EHMT1: variants seen among roughly 807,000 people sequenced by gnomAD.
The protein encoded by EHMT1 is histone-lysine N-methyltransferase EHMT1.
Under a neutral mutation model 147.2 loss-of-function variants are expected in EHMT1, and 15 were observed. The observed-to-expected ratio is 0.10, with a 90% CI of 0.07 to 0.16. The LOEUF (loss-of-function observed/expected upper bound fraction) is 0.16. Among genes scored for constraint, EHMT1 ranks in the 10% least tolerant of loss-of-function variants. The pLI is 1.00. For missense variants in EHMT1, 1,587 were observed against 1,772.4 expected, an observed-to-expected ratio of 0.90 and a Z score of 1.88; for synonymous variants, 795 against 709.6, an observed-to-expected ratio of 1.12 and a Z score of -1.91.
At chr9:137,630,026 G>A (rs568200450) in intron 1 of EHMT1, among the ~76,000 whole-genome samples, 1 of 152,288 alleles carries the variant, frequency 6.6e-6, no homozygotes, top group South Asian at 2.1e-4. Flanking sequence ...ACTCTTCAGA[G>A]GTAGCATTTC....
intron 23 of EHMT1, chr9:137,816,984 G>A (rs1030264302): frequency 4.2e-6 from 1 of 240,876 alleles, no homozygotes; most frequent in East Asian, 1.1e-4. Flanking sequence ...CCTTCCCCCA[G>A]CCCTGAGAAA....
At chr9:137,760,585 T>C (rs768829342) in intron 9 of EHMT1, among the ~76,000 whole-genome samples, 9 of 152,218 alleles carry the variant, frequency 5.9e-5, no homozygotes, top group Non-Finnish European at 1.2e-4. Flanking sequence ...GACGGCAGCG[T>C]GGACCGTTCA....
chr9:137,641,828 A>T (rs1356242148), intron 1 of EHMT1, among the ~76,000 whole-genome samples: 2 of 143,218 alleles, frequency 1.4e-5, no homozygotes, highest in African/African-American at 5.1e-5. Flanking sequence ...CTAAGATCAC[A>T]TTTTTTTTTT....
chr9:137,637,221 G>A (rs1589069782), intron 1 of EHMT1, among the ~76,000 whole-genome samples: 2 of 151,828 alleles, frequency 1.3e-5, no homozygotes, highest in South Asian at 4.1e-4. Context: ...TGTTGCCCAG[G>A]CTGGAGTGCA....
chr9:137,783,403 C>T (rs893160567), intron 15 of EHMT1, among the ~76,000 whole-genome samples: 2 of 152,206 alleles, frequency 1.3e-5, no homozygotes, highest in Non-Finnish European at 2.9e-5. Flanking sequence ...TTTTCAAATC[C>T]CAGTAATTCC....
At chr9:137,795,477 T>A (rs1441168374) in intron 16 of EHMT1, among the ~76,000 whole-genome samples, 1 of 138,402 alleles carries the variant, frequency 7.2e-6, no homozygotes, top group African/African-American at 2.6e-5. Flanking sequence ...ACACATTCAC[T>A]CAGACCAGGA....
At chr9:137,770,307 C>T (rs894488649) in intron 10 of EHMT1, among the ~76,000 whole-genome samples, 7 of 152,266 alleles carry the variant, frequency 4.6e-5, no homozygotes, top group South Asian at 4.1e-4. Flanking sequence ...ACCAGTTCTT[C>T]CTTGTTGAGT....
At chr9:137,717,374 G>A (rs570408279) in intron 3 of EHMT1, 192 bp downstream of exon 3, 47 of 757,338 alleles carry the variant, frequency 6.2e-5, no homozygotes, top group African/African-American at 5.0e-4. Context: ...AGGCTGAGGC[G>A]GGTGGATTGC....
chr9:137,766,538 C>G (rs1328747615), intron 10 of EHMT1, among the ~76,000 whole-genome samples: 1 of 152,190 alleles, frequency 6.6e-6, no homozygotes, highest in Non-Finnish European at 1.5e-5. Context: ...TTGCTTGAGC[C>G]TGGGAGGCGA....
At chr9:137,718,893 C>G (rs1945640716) in intron 3 of EHMT1, among the ~76,000 whole-genome samples, 1 of 151,702 alleles carries the variant, frequency 6.6e-6, no homozygotes, top group South Asian at 2.1e-4. Context: ...GTAGCTGGGA[C>G]TACAGGCGCC....
intron 16 of EHMT1, among the ~76,000 whole-genome samples, chr9:137,797,717 G>T (rs1953076718): frequency 6.6e-6 from 1 of 152,174 alleles, no homozygotes; most frequent in African/African-American, 2.4e-5. Flanking sequence ...TAGGGGAGCA[G>T]TATGTGCAGT....
In EHMT1 at chr9:137,757,953, A is replaced by T; in HGVS notation, c.1443A>T (p.Glu481Asp). Residue 481 changes from glutamate to aspartate, a missense_variant, in exon 9 of 27, where the codon GAA becomes GAT. Physicochemically the swap from Glu to Asp is conservative, Grantham distance 45. This residue lies in a region of EHMT1 where 810 missense variants were observed against 673.0 expected (regional missense o/e 1.20). Transcript: ENST00000460843. ...TAPGDSTGYM[E>D]VSLDSLDLRV... ...CAGGAGACAGCACAGGGTACATGGA[A>T]GTTTCTCTGGACTCCCTGGATCTCC... 1 of 1,614,026 alleles carries T rather than the reference A, an allele frequency of 6.2e-7. No homozygotes were observed. Among genetic ancestry groups the T allele is most frequent in the Non-Finnish European group, 8.5e-7 (1 of 1,180,008 alleles).
intron 13 of EHMT1, among the ~76,000 whole-genome samples, chr9:137,779,427 A>T (rs542577991): frequency 6.6e-6 from 1 of 152,204 alleles, no homozygotes; most frequent in Non-Finnish European, 1.5e-5. Context: ...TTACCATGAG[A>T]TATCTCGACT....
At chr9:137,760,534 G>A (rs1949721910) in intron 9 of EHMT1, among the ~76,000 whole-genome samples, 1 of 152,196 alleles carries the variant, frequency 6.6e-6, no homozygotes, top group Admixed American at 6.5e-5. Context: ...TGGGACCTCG[G>A]GCAGCACATG....
At chr9:137,727,953 A>C (rs939200268) in intron 3 of EHMT1, among the ~76,000 whole-genome samples, 1 of 152,180 alleles carries the variant, frequency 6.6e-6, no homozygotes, top group South Asian at 2.1e-4. Context: ...CATTTTGGGT[A>C]TTTTTTAGCT....
At chr9:137,755,438 A>G (rs1228572380) in intron 8 of EHMT1, among the ~76,000 whole-genome samples, 3 of 152,196 alleles carry the variant, frequency 2.0e-5, no homozygotes, top group East Asian at 3.9e-4. Flanking sequence ...GAAGTGTCCC[A>G]TTGTGTGGCT....
chr9:137,785,440 C>G (rs1951881216), intron 15 of EHMT1: 1 of 154,032 alleles, frequency 6.5e-6, no homozygotes, highest in Non-Finnish European at 1.5e-5. Context: ...GTGGGGTGTG[C>G]TGAGCCCGTG....
chr9:137,794,100 A>C (rs2137178616), intron 16 of EHMT1, among the ~76,000 whole-genome samples: 1 of 152,342 alleles, frequency 6.6e-6, no homozygotes, highest in Middle Eastern at 3.4e-3. Context: ...TCCTCATAGT[A>C]ATTCAACTCC....
intron 1 of EHMT1, among the ~76,000 whole-genome samples, chr9:137,656,605 T>G: frequency 6.6e-6 from 1 of 152,142 alleles, no homozygotes; most frequent in Non-Finnish European, 1.5e-5. Flanking sequence ...GCCTGTGCTG[T>G]GGACTGGAGG....
Sources: gnomAD v4.1 joint callset for allele counts (sites outside exome capture counted in the v4.1 genomes callset) on GRCh38, gnomAD v4.1.1 for gene constraint, gnomAD v4.1.1 regional missense constraint, MANE v1.5 for transcripts, NCBI Gene and HGNC (gene_info 2026-07-23, HGNC 2026-07-21) for gene names.